HERC2: variants seen among roughly 807,000 people sequenced by gnomAD.
HERC2 encodes HECT and RLD domain containing E3 ubiquitin protein ligase 2.
A neutral mutation model predicts 537.7 loss-of-function variants in HERC2; 102 were observed. That is an observed-to-expected ratio of 0.19 (90% confidence interval 0.16 to 0.22). The LOEUF (loss-of-function observed/expected upper bound fraction) is 0.22, where lower values mean the gene tolerates loss of function less well. Among genes scored for constraint, HERC2 ranks in the 10% least tolerant of loss-of-function variants. The pLI, the probability that HERC2 is intolerant of heterozygous loss-of-function variation, is 1.00. For synonymous variants in HERC2, 2,224 were observed against 2,466.2 expected, an observed-to-expected ratio of 0.90 and a Z score of 2.91; for missense variants, 4,236 against 6,198.2, an observed-to-expected ratio of 0.68 and a Z score of 10.63.
At chr15:28,166,370 A>T (rs1894138853) in intron 68 of HERC2, among the ~76,000 whole-genome samples, 1 of 152,250 alleles carries the variant, frequency 6.6e-6, no homozygotes, top group Admixed American at 6.5e-5. Context: ...CTGGATTGGA[A>T]TTAAAAGTAC....
intron 25 of HERC2, among the ~76,000 whole-genome samples, chr15:28,237,653 C>A (rs1052668058): frequency 2.0e-5 from 3 of 152,208 alleles, no homozygotes; most frequent in Non-Finnish European, 4.4e-5. Flanking sequence ...TAAGCCCTGC[C>A]CTAATGGCAT....
intron 2 of HERC2, among the ~76,000 whole-genome samples, chr15:28,314,108 A>G (rs1277371919): frequency 1.3e-5 from 2 of 152,228 alleles, no homozygotes; most frequent in Non-Finnish European, 2.9e-5. Context: ...CTCTGGGGGA[A>G]GTTATTGTTA....
At chr15:28,115,356 G>T in intron 89 of HERC2, 73 bp downstream of exon 89, 1 of 996,382 alleles carries the variant, frequency 1.0e-6, no homozygotes, top group Non-Finnish European at 1.5e-6. Context: ...TTCACAGCCT[G>T]ACCGGACCCG....
At chr15:28,270,625 G>T (rs2075698532) in intron 10 of HERC2, 70 bp downstream of exon 10, 5 of 1,470,216 alleles carry the variant, frequency 3.4e-6, no homozygotes, top group Non-Finnish European at 4.7e-6. Context: ...CTCCACACGG[G>T]CCCAGGATGA....
intron 83 of HERC2, among the ~76,000 whole-genome samples, chr15:28,129,214 T>G (rs1287808000): frequency 6.6e-6 from 1 of 152,024 alleles, no homozygotes; most frequent in Non-Finnish European, 1.5e-5. Context: ...ACAGTTACAG[T>G]GTATTATGGC....
intron 31 of HERC2, 117 bp downstream of exon 31, chr15:28,230,250 C>G: frequency 2.0e-6 from 2 of 982,254 alleles, no homozygotes; most frequent in Non-Finnish European, 3.2e-6. Context: ...TCACTGGGGC[C>G]ATGTTTCTAA....
chr15:28,224,920 G>A (rs1889358801), intron 35 of HERC2, among the ~76,000 whole-genome samples: 1 of 152,154 alleles, frequency 6.6e-6, no homozygotes, highest in South Asian at 2.1e-4. Flanking sequence ...GAAATCACAA[G>A]GGAAATTAGA....
chr15:28,262,622 A>G (rs1320708562), intron 15 of HERC2, among the ~76,000 whole-genome samples: 1 of 152,180 alleles, frequency 6.6e-6, no homozygotes, highest in Non-Finnish European at 1.5e-5. Flanking sequence ...GGGAACCCTT[A>G]CTGAGTCCAG....
chr15:28,135,360 A>T, intron 79 of HERC2, 118 bp downstream of exon 79: 1 of 754,166 alleles, frequency 1.3e-6, no homozygotes, highest in Non-Finnish European at 2.3e-6. Context: ...AACATTATTT[A>T]GTTTGAGAGT....
chr15:28,313,214 G>T, intron 2 of HERC2, among the ~76,000 whole-genome samples: 1 of 123,826 alleles, frequency 8.1e-6, no homozygotes. Context: ...TTTTTTTTGA[G>T]ACAGAGTCTT....
intron 44 of HERC2, among the ~76,000 whole-genome samples, chr15:28,209,542 A>C (rs1417441825): frequency 1.3e-5 from 2 of 152,042 alleles, no homozygotes; most frequent in Admixed American, 6.6e-5. Flanking sequence ...ATGGAGTTTC[A>C]CCGTGTTAGC....
At chr15:28,297,044 T>C (rs2141177653) in intron 3 of HERC2, among the ~76,000 whole-genome samples, 1 of 152,386 alleles carries the variant, frequency 6.6e-6, no homozygotes, top group South Asian at 2.1e-4. Context: ...GATGTGACTT[T>C]GAAGGGCCTA....
chr15:28,118,450 T>C (rs1426795180), intron 86 of HERC2: 1 of 152,256 alleles, frequency 6.6e-6, no homozygotes, highest in Non-Finnish European at 1.5e-5. Flanking sequence ...CTGTCTTTAA[T>C]CTGAATTCCC....
At chr15:28,124,428 G>T (rs1268962481) in intron 84 of HERC2, among the ~76,000 whole-genome samples, 194 bp from the exon 85 acceptor site, 1 of 152,198 alleles carries the variant, frequency 6.6e-6, no homozygotes, top group East Asian at 1.9e-4. Flanking sequence ...AAAAAAATTA[G>T]TCTATACAAA....
chr15:28,138,452 C>A (rs1431435722), intron 78 of HERC2, among the ~76,000 whole-genome samples: 4 of 152,144 alleles, frequency 2.6e-5, no homozygotes, highest in Non-Finnish European at 5.9e-5. Context: ...TTCTGAAAAT[C>A]TTAGGGCCCT....
At chr15:28,245,816 G>A in intron 23 of HERC2, 65 bp downstream of exon 23, 2 of 1,341,942 alleles carry the variant, frequency 1.5e-6, no homozygotes, top group South Asian at 1.3e-5. Context: ...CAAATTGAAA[G>A]GCAAGAATAG....
At chr15:28,131,193 G>T (rs898235191) in intron 81 of HERC2, among the ~76,000 whole-genome samples, 1 of 152,168 alleles carries the variant, frequency 6.6e-6, no homozygotes, top group African/African-American at 2.4e-5. Flanking sequence ...ATGTGGTAGG[G>T]CTCTAGTGTC....
intron 88 of HERC2, among the ~76,000 whole-genome samples, 187 bp from the exon 89 acceptor site, chr15:28,115,728 G>A (rs1329206012): frequency 2.0e-5 from 1 of 50,200 alleles, no homozygotes; most frequent in Admixed American, 3.5e-4. Flanking sequence ...CTATCCTTTT[G>A]TGCCTAAAAG....
Position 28,268,494 on chromosome 15 carries a change from G to A in HERC2, c.1569C>T (p.Asp523=), listed in dbSNP as rs141552873. Residue 523 remains aspartate (D), a synonymous_variant, in exon 12 of 93, where the codon GAC becomes GAT. Transcript: ENST00000261609. The surrounding 1 kb of genome is among the most constrained non-coding windows in gnomAD (Gnocchi z 4.7). ...TGEVYSWGCG[D]GGRLGHGDTV... ...TGTCCCCATGGCCCAGCCGTCCGCC[G>A]TCCCCACAGCCCCAGGAGTACACCT... The A allele has an allele frequency of 6.3e-5, 102 of 1,613,878 alleles. No individual in the cohort carries two copies. The highest frequency in any genetic ancestry group is 5.5e-4 in the South Asian group (50 of 91,036).
Sources: gnomAD v4.1 joint callset for allele counts (sites outside exome capture counted in the v4.1 genomes callset) on GRCh38, gnomAD v4.1.1 for gene constraint, Gnocchi (gnomAD v3.1) non-coding constraint, MANE v1.5 for transcripts, NCBI Gene and HGNC (gene_info 2026-07-23, HGNC 2026-07-21) for gene names.